The following ATXN3 variants were observed in gnomAD, a reference collection of about 807,000 sequenced individuals.
ATXN3 encodes ataxin 3.
In ATXN3, 28 loss-of-function variants were observed where a neutral mutation model predicts 58.2. That is an observed-to-expected ratio of 0.48 (90% CI 0.36 to 0.66). The LOEUF is 0.66. ATXN3 is among the 30% of genes least tolerant of loss of function. The pLI is 0.00. For missense variants in ATXN3, 321 were observed against 422.1 expected, an observed-to-expected ratio of 0.76 and a Z score of 2.10; for synonymous variants, 113 against 138.5, an observed-to-expected ratio of 0.82 and a Z score of 1.29.
rs1353573210 is a variant in ATXN3, at chr14:92,060,264, A to ATT, written c.*4055_*4056insAA. ...TATATACACACATATATATATATAT[A>ATT]TATATATTTTTTTTTTTCAGAAACA... On this transcript the variant is annotated 3_prime_UTR_variant, in exon 11 of 11. Transcript: ENST00000644486. The ATT allele has an allele frequency of 7.2e-4, 81 of 112,096 alleles. No homozygotes were observed. The highest frequency in any genetic ancestry group is 2.0e-3 in the East Asian group (8 of 4,076). The allele number at this position is 112,096 out of a possible 1,614,324, so 6.9% of individuals were successfully genotyped here. A position where few individuals can be genotyped will look rare whatever the true frequency, so the allele number is the denominator to read the frequency against.
chr14:92,083,175 G>A lies in ATXN3; in HGVS notation c.559C>T (p.His187Tyr), dbSNP rs752379583. Residue 187 changes from histidine (H) to tyrosine (Y), a missense_variant, in exon 7 of 11, where the codon CAT (histidine) becomes TAT (tyrosine). Transcript: ENST00000644486. ...LLQMIRVQQM[H>Y]RPKLIGEELA... ...TCTTCTCCAATAAGTTTTGGTCGAT[G>A]CATCTGTTGGACCCTAATCATCTGC... The A allele has an allele frequency of 1.2e-6, 2 of 1,613,544 alleles. No homozygotes were observed. The highest frequency in any genetic ancestry group is 1.7e-6 in the Non-Finnish European group (2 of 1,179,920).
chr14:92,049,980 GA>G (rs1345952427), upstream of ATXN3, among the ~76,000 whole-genome samples: 1 of 152,234 alleles, frequency 6.6e-6, no homozygotes, highest in African/African-American at 2.4e-5. Flanking sequence ...GGCTAGTGCA[GA>G]AATTAAGTAA....
At chr14:92,082,652 T>A (rs1458213015) in intron 7 of ATXN3, among the ~76,000 whole-genome samples, 186 bp from the exon 8 acceptor site, 908 of 78,198 alleles carry the variant, frequency 0.012, 10 homozygotes, top group African/African-American at 0.049. Flanking sequence ...TCCGTTTCTT[T>A]TTTTTTTTTT....
intron 2 of ATXN3, chr14:92,096,423 G>A (rs2065249149): frequency 1.2e-6 from 1 of 856,976 alleles, no homozygotes; most frequent in Non-Finnish European, 1.7e-6. Flanking sequence ...AGGAGTTTGA[G>A]ACCAACCTGA....
intron 1 of ATXN3, among the ~76,000 whole-genome samples, chr14:92,103,716 T>G (rs1042315631): frequency 6.6e-6 from 1 of 152,206 alleles, no homozygotes. Context: ...AGAAACTGTT[T>G]TTACATTCTA....
At chr14:92,093,518 C>A in intron 4 of ATXN3, 200 bp from the exon 5 acceptor site, 3 of 619,198 alleles carry the variant, frequency 4.8e-6, no homozygotes, top group Non-Finnish European at 8.5e-6. Context: ...TGGCCTCATG[C>A]ACCACTTATG....
intron 1 of ATXN3, among the ~76,000 whole-genome samples, chr14:92,104,839 C>T (rs2067833626): frequency 6.6e-6 from 1 of 151,144 alleles, no homozygotes; most frequent in Admixed American, 6.6e-5. Flanking sequence ...AGGAGAATCG[C>T]TTGAACGGGG....
At position 92,088,832 on chromosome 14, in the gene ATXN3, T is replaced by A; in HGVS notation, c.388-15A>T. Reference sequence around the variant, plus strand: ...AAGTTAAACCACTGGAAAAAAATTGTCAATATTTAAGTTAGTGTATATTAT... The same window carrying A: ...AAGTTAAACCACTGGAAAAAAATTGACAATATTTAAGTTAGTGTATATTAT... On this transcript the variant is annotated splice_polypyrimidine_tract_variant and intron_variant, in intron 5 of 10. Transcript: ENST00000644486. 2 of 1,525,274 alleles carry A rather than the reference T, an allele frequency of 1.3e-6. No individual in the cohort carries two copies. The highest frequency in any genetic ancestry group is 1.8e-6 in the Non-Finnish European group (2 of 1,100,476). The allele number at this position is 1,525,274 out of a possible 1,614,324, so 94.5% of individuals were successfully genotyped here. A position where few individuals can be genotyped will look rare whatever the true frequency, so the allele number is the denominator to read the frequency against.
At position 92,096,103 on chromosome 14, in the gene ATXN3, A is replaced by G; in HGVS notation, c.224T>C (p.Phe75Ser). 6.2e-7 allele frequency: 1 copy of G among 1,609,786 alleles called. No homozygotes were observed. The highest frequency in any genetic ancestry group is 8.5e-7 in the Non-Finnish European group (1 of 1,176,458). ...CTTGTGACTACTTACCTGAATAGAGAAAAAACCACTGTCATCCATATTTCC... is the reference window on the plus strand; with the variant it reads ...CTTGTGACTACTTACCTGAATAGAGGAAAAACCACTGTCATCCATATTTCC... ...PSGNMDDSGFFSIQVISNALK... is the reference protein window; with the variant it reads ...PSGNMDDSGFSSIQVISNALK... Residue 75 changes from phenylalanine (F) to serine (S), a missense_variant, in exon 3 of 11, where the codon TTC becomes TCC. Phe to Ser is a radical substitution (Grantham distance 155). Transcript: ENST00000644486.
chr14:92,093,797 T>C lies in ATXN3; in HGVS notation c.269A>G (p.Glu90Gly), dbSNP rs2064461479. The change falls in exon 4 of 11, where the codon GAA becomes GGA. Residue 90 changes from glutamate to glycine, a missense_variant. Glu to Gly is a moderately conservative substitution (Grantham distance 98). Coordinates refer to ENST00000644486, the MANE Select transcript of ATXN3 (RefSeq NM_004993.6). ...ISNALKVWGL[E>G]LILFNSPEYQ... ...CTCTGGACTGTTGAACAGGATTAGT[T>C]CTAAACCCCAAACTTTCAAGGCATT... The C allele has an allele frequency of 1.2e-6, 2 of 1,612,636 alleles. No individual in the cohort carries two copies. Among genetic ancestry groups the C allele is most frequent in the East Asian group, 2.2e-5 (1 of 44,868 alleles).
At chr14:92,086,253 C>CAAAAAAAAAAAAAAAAAAAAAA (rs869147623) in intron 6 of ATXN3, among the ~76,000 whole-genome samples, 2 of 94,922 alleles carry the variant, frequency 2.1e-5, no homozygotes, top group Non-Finnish European at 4.0e-5. Context: ...ACTAAAAATA[C>CAAAAAAAAAAAAAAAAAAAAAA]AAAAAAAAAA....
rs2057969338 is a variant in ATXN3 at position 92,064,027 on chromosome 14, A to G, written c.*293T>C. 5.5e-6 allele frequency: 1 copy of G among 181,738 alleles called. No homozygotes were observed. The highest frequency in any genetic ancestry group is 1.7e-4 in the South Asian group (1 of 6,010). The allele number at this position is 181,738 out of a possible 1,614,324, so 11.3% of individuals were successfully genotyped here. ...GCTAGTCTGCAAAAAGATCCAAGAAAAATGCCCTAACTTTAGACATGTTAC... is the reference window on the plus strand; with the variant it reads ...GCTAGTCTGCAAAAAGATCCAAGAAGAATGCCCTAACTTTAGACATGTTAC... On this transcript the variant is annotated 3_prime_UTR_variant, in exon 11 of 11. Transcript: ENST00000644486.
intron 1 of ATXN3, among the ~76,000 whole-genome samples, chr14:92,098,861 C>T (rs368913861): frequency 5.9e-5 from 9 of 152,292 alleles, no homozygotes; most frequent in Admixed American, 5.2e-4. Context: ...AGGATTCCTC[C>T]TCATGGGAGG....
intron 3 of ATXN3, 67 bp from the exon 4 acceptor site, chr14:92,093,898 A>T: frequency 1.1e-6 from 1 of 933,068 alleles, no homozygotes; most frequent in Non-Finnish European, 1.7e-6. Context: ...AAGTGTAGCT[A>T]TGTTAGTTGT....
At chr14:92,089,795 T>C (rs1595859226) in intron 5 of ATXN3, among the ~76,000 whole-genome samples, 1 of 152,202 alleles carries the variant, frequency 6.6e-6, no homozygotes, top group Non-Finnish European at 1.5e-5. Flanking sequence ...ACTCCAATCA[T>C]ATCTATCACA....
upstream of ATXN3, among the ~76,000 whole-genome samples, chr14:92,052,204 C>T (rs188305304): frequency 1.6e-4 from 25 of 152,110 alleles, no homozygotes; most frequent in African/African-American, 4.1e-4. Context: ...AAAAAATGTT[C>T]GCATCTCTCG....
At position 92,094,001 on chromosome 14, in the gene ATXN3, T is replaced by C. The variant is rs530494230; in HGVS notation, c.235-170A>G. ...CTCTGTCGCCCAGGCTGGAGTATAG[T>C]GGCACGATCTCGGCTCGCTGCAACC... On this transcript the variant is annotated intron_variant, in intron 3 of 10. Coordinates refer to ENST00000644486, the MANE Select transcript of ATXN3 (RefSeq NM_004993.6). Among the ~76,000 whole-genome samples the C allele has an allele frequency of 4.6e-5, 7 of 150,748 alleles. No homozygotes were observed. In the East Asian group the frequency reaches 1.4e-3, roughly 29 times the overall value.
At chr14:92,081,399 G>A (rs911556257) in intron 8 of ATXN3, among the ~76,000 whole-genome samples, 3 of 148,728 alleles carry the variant, frequency 2.0e-5, no homozygotes, top group Admixed American at 1.4e-4. Flanking sequence ...CTTGAACCTC[G>A]GAGGCAGGGG....
rs1402825160 is a variant in ATXN3, at chr14:92,083,457, C to T, written c.476-199G>A. ...AGGTAAGTTACTTAAAGTCTCTGAG[C>T]CTCACTTTCTCCATTGTAAGACTGG... On this transcript the variant is annotated intron_variant, in intron 6 of 10. Transcript: ENST00000644486. 3 of 679,822 alleles carry T rather than the reference C, an allele frequency of 4.4e-6. No homozygotes were observed. In the Admixed American group the frequency reaches 6.5e-5, roughly 15 times the overall value. 42.1% of individuals were successfully genotyped at this position (679,822 alleles called of 1,614,324 possible). A position where few individuals can be genotyped will look rare whatever the true frequency, so the allele number is the denominator to read the frequency against.
Sources: allele counts gnomAD v4.1 joint callset (sites outside exome capture counted in the v4.1 genomes callset), GRCh38; gene constraint gnomAD v4.1.1; transcripts MANE v1.5; gene names NCBI Gene and HGNC (gene_info 2026-07-23, HGNC 2026-07-21).